TENT2: variants seen among roughly 807,000 people sequenced by gnomAD.
TENT2 encodes the protein poly(A) RNA polymerase GLD2.
A neutral mutation model predicts 72.2 loss-of-function variants in TENT2; 44 were observed. The ratio of observed to expected loss-of-function variants is 0.61; its 90% confidence interval spans 0.48 to 0.78. The LOEUF (loss-of-function observed/expected upper bound fraction) is 0.78, where lower values mean the gene tolerates loss of function less well. Among genes scored for constraint, TENT2 ranks in the 30% least tolerant of loss-of-function variants. The probability of loss-of-function intolerance (pLI) is 0.00; values close to 1 mark genes in which losing one functional copy is unlikely to be tolerated. For synonymous variants in TENT2, 212 were observed against 192.5 expected (o/e 1.10, Z -0.84); for missense variants, 541 against 569.6 (o/e 0.95, Z 0.51).
intron 8 of TENT2, among the ~76,000 whole-genome samples, chr5:79,646,442 C>T (rs7734001): frequency 0.11 from 16,774 of 152,126 alleles, 1,046 homozygotes; most frequent in East Asian, 0.29. Flanking sequence ...TTCACTAATT[C>T]AGTGTTTGCA....
intron 12 of TENT2, among the ~76,000 whole-genome samples, chr5:79,671,618 A>C (rs1476901969): frequency 1.3e-5 from 2 of 151,950 alleles, no homozygotes. Flanking sequence ...CATATTGGCC[A>C]GGTTGGTCTT....
intron 9 of TENT2, 31 bp downstream of exon 9, chr5:79,648,724 GC>G: frequency 6.7e-7 from 1 of 1,493,866 alleles, no homozygotes; most frequent in Non-Finnish European, 9.1e-7. Flanking sequence ...TTAAAAATTA[GC>G]CTTTTTTTCT....
intron 3 of TENT2, 135 bp from the exon 4 acceptor site, chr5:79,623,117 A>G (rs1766490761): frequency 5.1e-6 from 3 of 592,510 alleles, no homozygotes; most frequent in Non-Finnish European, 8.4e-6. Context: ...AGATCCATAT[A>G]AAGCTAATAA....
intron 4 of TENT2, among the ~76,000 whole-genome samples, chr5:79,626,511 G>C (rs1770062325): frequency 1.3e-5 from 2 of 151,760 alleles, no homozygotes; most frequent in East Asian, 2.0e-4. Flanking sequence ...GTTTCACTGT[G>C]TTAGCCAGGA....
intron 12 of TENT2, among the ~76,000 whole-genome samples, chr5:79,675,362 T>C (rs551408920): frequency 1.3e-5 from 2 of 152,286 alleles, no homozygotes; most frequent in African/African-American, 4.8e-5. Context: ...AGGAATTATC[T>C]TTGGATTGTT....
chr5:79,649,236 CT>C, intron 10 of TENT2, 46 bp downstream of exon 10: 1 of 1,561,072 alleles, frequency 6.4e-7, no homozygotes, highest in Non-Finnish European at 8.8e-7. Flanking sequence ...TAAAAGACAG[CT>C]TTATTATGGT....
chr5:79,647,674 T>C (rs1790240584), intron 8 of TENT2, among the ~76,000 whole-genome samples: 1 of 152,184 alleles, frequency 6.6e-6, no homozygotes, highest in South Asian at 2.1e-4. Context: ...TATAGAAATA[T>C]TTTGTTTTTA....
chr5:79,647,340 T>G (rs1307886553), intron 8 of TENT2, among the ~76,000 whole-genome samples: 1 of 152,194 alleles, frequency 6.6e-6, no homozygotes, highest in Non-Finnish European at 1.5e-5. Flanking sequence ...GTGGATATTT[T>G]TAAAGCCCTG....
chr5:79,657,075 T>C, intron 11 of TENT2, 74 bp downstream of exon 11: 2 of 1,048,170 alleles, frequency 1.9e-6, no homozygotes, highest in East Asian at 2.7e-5. Context: ...GTAGTATTAA[T>C]GTGATTATAA....
chr5:79,623,940 G>A (rs1767182223), intron 4 of TENT2, among the ~76,000 whole-genome samples: 1 of 152,060 alleles, frequency 6.6e-6, no homozygotes, highest in African/African-American at 2.4e-5. Flanking sequence ...AATCAAGAAA[G>A]ATTTATCAAA....
intron 4 of TENT2, among the ~76,000 whole-genome samples, chr5:79,632,415 C>G (rs1776340443): frequency 6.6e-6 from 1 of 151,914 alleles, no homozygotes; most frequent in Non-Finnish European, 1.5e-5. Context: ...TTTGTTTTTA[C>G]TCTAGGTTTT....
rs745607576 is a variant in TENT2 at position 79,619,638 on chromosome 5, T to G, written c.-11T>G. 2.5e-6 allele frequency: 4 copies of G among 1,607,094 alleles called. No homozygotes were observed. In the Admixed American group the frequency reaches 6.7e-5, roughly 27 times the overall value. On this transcript the variant is annotated 5_prime_UTR_variant, in exon 2 of 15. Coordinates refer to ENST00000453514, the MANE Select transcript of TENT2 (RefSeq NM_001114394.3). ...TAGAAGAATACATGTTCACTTCCAGTGAACAAGAGCATGTTCCCAAACTCA... is the reference window on the plus strand; with the variant it reads ...TAGAAGAATACATGTTCACTTCCAGGGAACAAGAGCATGTTCCCAAACTCA...
At chr5:79,648,995 A>G (rs1791386382) in intron 9 of TENT2, 67 bp from the exon 10 acceptor site, 1 of 1,516,116 alleles carries the variant, frequency 6.6e-7, no homozygotes, top group Admixed American at 1.8e-5. Context: ...TGGAGCTGGG[A>G]AATGATGTAA....
At chr5:79,645,923 T>C (rs1056212507) in intron 8 of TENT2, among the ~76,000 whole-genome samples, 1 of 152,186 alleles carries the variant, frequency 6.6e-6, no homozygotes, top group Non-Finnish European at 1.5e-5. Flanking sequence ...CTAAAAGTTA[T>C]TTGTAACTGC....
At chr5:79,647,729 G>A (rs775183878) in intron 8 of TENT2, among the ~76,000 whole-genome samples, 5 of 151,914 alleles carry the variant, frequency 3.3e-5, no homozygotes, top group Admixed American at 1.3e-4. Context: ...TTAGAAGTTG[G>A]GATCTCGCAT....
At chr5:79,653,334 A>G (rs1178845996) in intron 10 of TENT2, among the ~76,000 whole-genome samples, 4 of 152,102 alleles carry the variant, frequency 2.6e-5, no homozygotes, top group Admixed American at 2.0e-4. Flanking sequence ...AAAATAAAAA[A>G]TGAAAAAAAT....
intron 12 of TENT2, 86 bp from the exon 13 acceptor site, chr5:79,679,493 G>A (rs939821804): frequency 1.2e-6 from 1 of 805,900 alleles, no homozygotes; most frequent in African/African-American, 1.7e-5. Flanking sequence ...AAGAAAATTG[G>A]GGTAGGCCTT....
chr5:79,659,916 A>G (rs1801424735), intron 11 of TENT2, among the ~76,000 whole-genome samples: 1 of 151,986 alleles, frequency 6.6e-6, no homozygotes, highest in South Asian at 2.1e-4. Flanking sequence ...GCAGAATTTC[A>G]GCTTGTATAA....
chr5:79,645,844 A>AAC (rs749453756), intron 8 of TENT2, among the ~76,000 whole-genome samples: 74 of 98,928 alleles, frequency 7.5e-4, no homozygotes, highest in South Asian at 2.2e-3. Flanking sequence ...TGTGCCCACA[A>AAC]ACACACACAC....
Sources: allele counts gnomAD v4.1 joint callset (sites outside exome capture counted in the v4.1 genomes callset), GRCh38; gene constraint gnomAD v4.1.1; transcripts MANE v1.5; gene names NCBI Gene and HGNC (gene_info 2026-07-23, HGNC 2026-07-21).